COL22A1: variants seen among roughly 807,000 people sequenced by gnomAD.
COL22A1 encodes collagen alpha-1(XXII) chain.
In COL22A1, 221 loss-of-function variants were observed where a neutral mutation model predicts 248.9. The observed-to-expected ratio is 0.89, with a 90% CI of 0.80 to 0.99. The LOEUF is 0.99. Among genes scored for constraint, COL22A1 ranks in the 50% least tolerant of loss-of-function variants. The pLI is 0.00. For synonymous variants in COL22A1, 891 were observed against 793.4 expected, an observed-to-expected ratio of 1.12 and a Z score of -2.07; for missense variants, 2,240 against 2,179.0, an observed-to-expected ratio of 1.03 and a Z score of -0.56.
intron 1 of COL22A1, among the ~76,000 whole-genome samples, chr8:138,904,265 T>C (rs1814827879): frequency 6.6e-6 from 1 of 152,102 alleles, no homozygotes; most frequent in South Asian, 2.1e-4. Flanking sequence ...TCAGTTTAGA[T>C]ATGCTTTTCC....
In COL22A1 at chr8:138,623,752, G is replaced by T; in HGVS notation, c.3751C>A (p.Pro1251Thr). ...EEGKEGRDGKPGPPGEPGKAG... is the reference protein window; with the variant it reads ...EEGKEGRDGKTGPPGEPGKAG... ...TTTACCGGCTCTCCAGGGGGACCCGGCTTTCCATCTCTGCCCTCTTTGCCT... is the reference window on the plus strand; with the variant it reads ...TTTACCGGCTCTCCAGGGGGACCCGTCTTTCCATCTCTGCCCTCTTTGCCT... Residue 1251 changes from proline (P) to threonine (T), a missense_variant, in exon 52 of 65, where the codon CCG (proline) becomes ACG (threonine). Pro to Thr is a conservative substitution (Grantham distance 38, BLOSUM62 -1). Transcript: ENST00000303045. The T allele has an allele frequency of 5.6e-6, 9 of 1,612,304 alleles. No homozygotes were observed. Among genetic ancestry groups the T allele is most frequent in the Non-Finnish European group, 7.6e-6 (9 of 1,179,196 alleles).
intron 50 of COL22A1, among the ~76,000 whole-genome samples, chr8:138,628,558 C>A (rs958923520): frequency 6.6e-6 from 1 of 152,134 alleles, no homozygotes; most frequent in African/African-American, 2.4e-5. Flanking sequence ...AAAAAAATTA[C>A]TTCTATTTTG....
intron 57 of COL22A1, 81 bp downstream of exon 57, chr8:138,607,855 G>T: frequency 7.4e-7 from 1 of 1,350,682 alleles, no homozygotes; most frequent in Non-Finnish European, 1.1e-6. Flanking sequence ...AGGGACAGAG[G>T]CTGGACAATC....
At chr8:138,687,143 G>A (rs1019552536) in intron 37 of COL22A1, among the ~76,000 whole-genome samples, 6 of 152,160 alleles carry the variant, frequency 3.9e-5, no homozygotes, top group Non-Finnish European at 7.3e-5. Context: ...TTTTAGTAGA[G>A]ATGGGGTTTC....
intron 12 of COL22A1, among the ~76,000 whole-genome samples, 158 bp from the exon 13 acceptor site, chr8:138,781,138 G>A (rs951229450): frequency 6.6e-6 from 1 of 152,194 alleles, no homozygotes; most frequent in Non-Finnish European, 1.5e-5. Flanking sequence ...GGCATCACTT[G>A]GGAGAGTATA....
At chr8:138,841,970 A>C (rs540195800) in intron 4 of COL22A1, among the ~76,000 whole-genome samples, 1 of 152,190 alleles carries the variant, frequency 6.6e-6, no homozygotes, top group Non-Finnish European at 1.5e-5. Context: ...AGTTTGCCTG[A>C]TTTTTAAGAC....
In COL22A1 at chr8:138,795,905, G is replaced by A. The variant is rs1317116; in HGVS notation, c.1596+914C>T. 9.4e-3 allele frequency among the ~76,000 whole-genome samples: 1,428 copies of A among 152,196 alleles called. 13 individuals carry two copies. Among genetic ancestry groups the A allele is most frequent in the Middle Eastern group, 0.02 (6 of 294 alleles). The stretch of plus-strand genomic sequence containing the variant: ...GAGTGTTACATGTGTTACATAACCA[G>A]CCCTATGCAAGGGACTAATGTGACC... On this transcript the variant is annotated intron_variant, in intron 12 of 64. Transcript: ENST00000303045.
At position 138,904,595 on chromosome 8, in the gene COL22A1, G is replaced by T. The variant is rs188992463; in HGVS notation, c.-73+9024C>A. On this transcript the variant is annotated intron_variant, in intron 1 of 64. Transcript: ENST00000303045. Reference sequence around the variant, plus strand: ...TTATTTCTTTCTCATTTTCAGTATTGAATTCTTCCCAATTTTTTTTCTCTC... The same window carrying T: ...TTATTTCTTTCTCATTTTCAGTATTTAATTCTTCCCAATTTTTTTTCTCTC... 2.1e-5 allele frequency among the ~76,000 whole-genome samples: 3 copies of T among 144,944 alleles called. No individual in the cohort carries two copies. In the East Asian group the frequency reaches 5.9e-4, roughly 29 times the overall value.
intron 11 of COL22A1, among the ~76,000 whole-genome samples, chr8:138,801,743 G>T (rs886647777): frequency 1.3e-5 from 2 of 152,166 alleles, no homozygotes; most frequent in African/African-American, 4.8e-5. Flanking sequence ...GCTGGGCATG[G>T]TGGCACACAC....
intron 41 of COL22A1, among the ~76,000 whole-genome samples, chr8:138,671,769 A>G (rs563084990): frequency 2.0e-5 from 3 of 152,356 alleles, no homozygotes; most frequent in Non-Finnish European, 2.9e-5. Context: ...GGCTGCAGCC[A>G]TTTCCAATGG....
At chr8:138,665,594 A>G (rs1824433860) in intron 41 of COL22A1, among the ~76,000 whole-genome samples, 1 of 152,238 alleles carries the variant, frequency 6.6e-6, no homozygotes, top group Non-Finnish European at 1.5e-5. Context: ...CTGGGCACCC[A>G]GAAAGAAAAT....
Position 138,913,961 on chromosome 8 carries a change from T to C in COL22A1, c.-415A>G, listed in dbSNP as rs1469477012. Reference sequence around the variant, plus strand: ...CAGGGAAAGCGGAGAAGACACTTCCTTGGGGAGAAACGCCGCAGCCTCGGC... The same window carrying C: ...CAGGGAAAGCGGAGAAGACACTTCCCTGGGGAGAAACGCCGCAGCCTCGGC... On this transcript the variant is annotated 5_prime_UTR_variant, in exon 1 of 65. Transcript: ENST00000303045. 6.5e-6 allele frequency: 1 copy of C among 152,854 alleles called. No individual in the cohort carries two copies. The highest frequency in any genetic ancestry group is 2.4e-5 in the African/African-American group (1 of 41,446). 9.5% of individuals were successfully genotyped at this position (152,854 alleles called of 1,614,324 possible).
At chr8:138,779,657 C>A (rs1167454521) in intron 13 of COL22A1, 95 bp from the exon 14 acceptor site, 2 of 786,694 alleles carry the variant, frequency 2.5e-6, no homozygotes, top group Non-Finnish European at 4.5e-6. Flanking sequence ...CTGCTTCCTG[C>A]AGCTCAGAAC....
At chr8:138,659,002 G>A (rs971643113) in intron 44 of COL22A1, among the ~76,000 whole-genome samples, 3 of 152,082 alleles carry the variant, frequency 2.0e-5, no homozygotes, top group Admixed American at 1.3e-4. Context: ...CACTATCTTT[G>A]CAGGGAGATG....
intron 41 of COL22A1, among the ~76,000 whole-genome samples, chr8:138,670,748 T>A (rs1358312873): frequency 6.6e-6 from 1 of 151,922 alleles, no homozygotes; most frequent in African/African-American, 2.4e-5. Context: ...TGGCTTGGGC[T>A]CAGGAGTTTG....
intron 53 of COL22A1, among the ~76,000 whole-genome samples, chr8:138,618,226 T>C (rs929935127): frequency 6.6e-6 from 1 of 152,146 alleles, no homozygotes; most frequent in African/African-American, 2.4e-5. Context: ...GCAATCAAGG[T>C]CACAAAGTCA....
rs1822409586 is a variant in COL22A1 at position 138,860,948 on chromosome 8, C to T, written c.659-16790G>A. 2.0e-5 allele frequency among the ~76,000 whole-genome samples: 3 copies of T among 152,302 alleles called. No homozygotes were observed. In the South Asian group the frequency reaches 6.2e-4, roughly 32 times the overall value. On this transcript the variant is annotated intron_variant, in intron 3 of 64. Coordinates refer to ENST00000303045, the MANE Select transcript of COL22A1 (RefSeq NM_152888.3). ...CCGTATGTTCTTTCTCCAGATACCA[C>T]TCCTTCTGGGAACTTCCCTCCATCT... is the stretch of plus-strand genomic sequence containing the variant.
intron 52 of COL22A1, chr8:138,619,891 G>A (rs1819634400): frequency 4.7e-6 from 1 of 214,532 alleles, no homozygotes; most frequent in South Asian, 9.7e-5. Flanking sequence ...CTTTACCGAT[G>A]GCAACACTGA....
chr8:138,821,533 A>G, intron 6 of COL22A1, 122 bp from the exon 7 acceptor site: 1 of 1,003,900 alleles, frequency 1.0e-6, no homozygotes, highest in Non-Finnish European at 1.5e-6. Context: ...TGTGACTCTT[A>G]CCAGCTGGTC....
Sources: allele counts gnomAD v4.1 joint callset (sites outside exome capture counted in the v4.1 genomes callset), GRCh38; gene constraint gnomAD v4.1.1; transcripts MANE v1.5; gene names NCBI Gene and HGNC (gene_info 2026-07-23, HGNC 2026-07-21).